The following ATG4C variants were observed in gnomAD, a reference collection of about 807,000 sequenced individuals.
ATG4C encodes the protein cysteine protease ATG4C.
Under a neutral mutation model 57.6 loss-of-function variants are expected in ATG4C, and 56 were observed. The observed-to-expected ratio is 0.97, with a 90% confidence interval of 0.78 to 1.21. The LOEUF (loss-of-function observed/expected upper bound fraction) is 1.21, where lower values mean the gene tolerates loss of function less well. Among genes scored for constraint, ATG4C ranks in the 50% most tolerant of loss-of-function variants. The pLI is 0.00. For synonymous variants in ATG4C, 157 were observed against 174.1 expected (o/e 0.90, Z 0.78); for missense variants, 595 against 529.8 (o/e 1.12, Z -1.21).
intron 3 of ATG4C, among the ~76,000 whole-genome samples, chr1:62,815,809 C>T (rs147414185): frequency 0.035 from 5,356 of 152,262 alleles, 191 homozygotes; most frequent in African/African-American, 0.095. Flanking sequence ...CTCAGCCTCT[C>T]GAGTAGCTGG....
chr1:62,849,574 C>T (rs1417517811), intron 10 of ATG4C, among the ~76,000 whole-genome samples: 4 of 151,640 alleles, frequency 2.6e-5, no homozygotes, highest in East Asian at 1.9e-4. Flanking sequence ...TGCAGTAGTA[C>T]GATCTTGGCT....
At chr1:62,791,431 TATAAC>T (rs770490084) in intron 1 of ATG4C, among the ~76,000 whole-genome samples, 46 of 152,356 alleles carry the variant, frequency 3.0e-4, no homozygotes, top group South Asian at 1.2e-3. Flanking sequence ...TTTCATTGCT[TATAAC>T]AGAATAACTG....
intron 2 of ATG4C, among the ~76,000 whole-genome samples, chr1:62,804,185 C>T (rs1408855927): frequency 6.6e-6 from 1 of 151,086 alleles, no homozygotes; most frequent in Non-Finnish European, 1.5e-5. Flanking sequence ...CTCCCAGGTT[C>T]AAGTGATTCT....
At chr1:62,820,266 A>C (rs1231410396) in intron 5 of ATG4C, among the ~76,000 whole-genome samples, 1 of 152,052 alleles carries the variant, frequency 6.6e-6, no homozygotes. Context: ...TCTTCTGTGA[A>C]GTGACAATAG....
intron 6 of ATG4C, among the ~76,000 whole-genome samples, chr1:62,826,471 C>T (rs1454091571): frequency 4.1e-5 from 6 of 144,652 alleles, no homozygotes; most frequent in African/African-American, 1.5e-4. Flanking sequence ...CTCCTGACCT[C>T]GTGATCTGCC....
At chr1:62,833,932 G>A in intron 7 of ATG4C, 106 bp from the exon 8 acceptor site, 1 of 873,816 alleles carries the variant, frequency 1.1e-6, no homozygotes. Context: ...AATGATAACT[G>A]GTAGTGGTAA....
chr1:62,796,293 TAAATA>T (rs144565967), intron 1 of ATG4C, among the ~76,000 whole-genome samples: 3,614 of 148,490 alleles, frequency 0.024, 51 homozygotes, highest in Middle Eastern at 0.062. Flanking sequence ...GACACAAATA[TAAATA>T]AAATATTTTA....
intron 9 of ATG4C, among the ~76,000 whole-genome samples, chr1:62,837,403 A>C (rs1290327342): frequency 6.6e-6 from 1 of 152,194 alleles, no homozygotes; most frequent in Non-Finnish European, 1.5e-5. Flanking sequence ...AGAAACTCAC[A>C]CTGTAATTTT....
intron 9 of ATG4C, chr1:62,835,478 T>C: frequency 3.8e-6 from 1 of 260,968 alleles, no homozygotes; most frequent in South Asian, 3.9e-5. Flanking sequence ...GTTTTCCCAG[T>C]TGGTGCTTTT....
At chr1:62,811,058 G>A (rs72917252) in intron 3 of ATG4C, among the ~76,000 whole-genome samples, 5,875 of 152,098 alleles carry the variant, frequency 0.039, 389 homozygotes, top group African/African-American at 0.13. Context: ...GGAGAGTTTC[G>A]TTCATTTGTT....
At chr1:62,844,516 T>A (rs1348234760) in intron 10 of ATG4C, among the ~76,000 whole-genome samples, 2 of 152,166 alleles carry the variant, frequency 1.3e-5, no homozygotes, top group Non-Finnish European at 2.9e-5. Context: ...AGAATAATAC[T>A]ATGGAGAGTC....
chr1:62,861,299 A>G (rs1211482721), intron 10 of ATG4C, among the ~76,000 whole-genome samples: 7 of 152,106 alleles, frequency 4.6e-5, no homozygotes, highest in Non-Finnish European at 8.8e-5. Flanking sequence ...TAATCCCAAC[A>G]CTTTGGGAGG....
chr1:62,835,317 A>G (rs1332593155), intron 9 of ATG4C: 3 of 279,876 alleles, frequency 1.1e-5, no homozygotes, highest in Non-Finnish European at 2.2e-5. Context: ...GGAAGTTTTC[A>G]AGAGCTTAGT....
chr1:62,793,731 C>A (rs1484379447), intron 1 of ATG4C, among the ~76,000 whole-genome samples: 3 of 151,722 alleles, frequency 2.0e-5, no homozygotes, highest in Non-Finnish European at 4.4e-5. Context: ...TTCTTAACAT[C>A]CTTCATTTCT....
At chr1:62,854,287 T>C (rs1374031748) in intron 10 of ATG4C, among the ~76,000 whole-genome samples, 1 of 150,730 alleles carries the variant, frequency 6.6e-6, no homozygotes, top group Non-Finnish European at 1.5e-5. Context: ...TTCTTTCTTT[T>C]TTTTTTTTTC....
chr1:62,785,560 A>G (rs1664055269), intron 1 of ATG4C, among the ~76,000 whole-genome samples: 1 of 152,214 alleles, frequency 6.6e-6, no homozygotes, highest in Non-Finnish European at 1.5e-5. Context: ...GTTCTGGTGA[A>G]CAGCATCGTA....
At chr1:62,843,273 G>A (rs980006899) in intron 10 of ATG4C, among the ~76,000 whole-genome samples, 3 of 152,100 alleles carry the variant, frequency 2.0e-5, no homozygotes, top group Non-Finnish European at 4.4e-5. Flanking sequence ...ATGCATTAAG[G>A]CAAAGAGAAA....
intron 5 of ATG4C, among the ~76,000 whole-genome samples, chr1:62,820,562 A>G (rs1293682296): frequency 6.6e-6 from 1 of 152,190 alleles, no homozygotes; most frequent in South Asian, 2.1e-4. Context: ...TGTTATTGTG[A>G]TTTTTTTCAC....
intron 6 of ATG4C, among the ~76,000 whole-genome samples, chr1:62,828,505 TTTCTC>T: frequency 6.6e-6 from 1 of 152,330 alleles, no homozygotes; most frequent in Middle Eastern, 3.4e-3. Flanking sequence ...GTTGTTTGTT[TTTCTC>T]TTGTAAATTT....
Sources: allele counts gnomAD v4.1 joint callset (sites outside exome capture counted in the v4.1 genomes callset), GRCh38; gene constraint gnomAD v4.1.1; transcripts MANE v1.5; gene names NCBI Gene and HGNC (gene_info 2026-07-23, HGNC 2026-07-21).